The following AKAP9 variants were observed in gnomAD, a reference collection of about 807,000 sequenced individuals.
AKAP9 encodes the protein A-kinase anchor protein 9.
AKAP9 carries 311 observed loss-of-function variants against 488.5 expected under a neutral mutation model. The ratio of observed to expected loss-of-function variants is 0.64; its 90% CI spans 0.58 to 0.70. The LOEUF is 0.70. Ranked by LOEUF, AKAP9 falls within the 30% of genes least tolerant of loss-of-function variation. The pLI is 0.00. For synonymous variants in AKAP9, 1,462 were observed against 1,483.5 expected, an observed-to-expected ratio of 0.99 and a Z score of 0.33; for missense variants, 4,215 against 4,374.5, an observed-to-expected ratio of 0.96 and a Z score of 1.03.
chr7:92,000,358 T>A (rs776886785), intron 7 of AKAP9, among the ~76,000 whole-genome samples: 5 of 152,188 alleles, frequency 3.3e-5, no homozygotes, highest in African/African-American at 4.8e-5. Flanking sequence ...TAGGAGTCTG[T>A]TTTTGTTGTT....
Position 92,000,892 on chromosome 7 carries a change from G to A in AKAP9, c.975G>A (p.Gln325=). Residue 325 remains glutamine, a synonymous_variant, in exon 8 of 50, where the codon CAG becomes CAA. Transcript: ENST00000356239. Reference sequence around the variant, plus strand: ...AAAACTCAAATAAAGAAGAAATACAGGAAAAGGAGACAATCATTGAAGAAT... The same window carrying A: ...AAAACTCAAATAAAGAAGAAATACAAGAAAAGGAGACAATCATTGAAGAAT... The part of the protein sequence containing the change: ...KVENSNKEEI[Q]EKETIIEELN... 7.0e-7 allele frequency: 1 copy of A among 1,430,330 alleles called. No individual in the cohort carries two copies. The highest frequency in any genetic ancestry group is 9.4e-7 in the Non-Finnish European group (1 of 1,065,036). 88.6% of individuals were successfully genotyped at this position (1,430,330 alleles called of 1,614,324 possible).
rs1425088604 is a variant in AKAP9 at position 92,079,409 on chromosome 7, CT to C, written c.7277del (p.Leu2426GlnfsTer8). ...LKETNFKMNQLTQELFSLKRE... is the reference protein window; with the variant it reads ...LKETNFKMNQXTQELFSLKRE... ...AGAAACCAATTTTAAAATGAATCAG[CT>C]AACACAGGAATTATTCAGCTTAAAG... On this transcript the variant is annotated frameshift_variant, in exon 31 of 50. Transcript: ENST00000356239. LOFTEE classifies it high-confidence loss of function. 1 of 1,614,032 alleles carries C rather than the reference CT, an allele frequency of 6.2e-7. No homozygotes were observed. Among genetic ancestry groups the C allele is most frequent in the Non-Finnish European group, 8.5e-7 (1 of 1,179,982 alleles).
At chr7:92,057,766 G>A (rs1021823107) in intron 22 of AKAP9, 20 of 222,480 alleles carry the variant, frequency 9.0e-5, no homozygotes, top group South Asian at 3.6e-4. Context: ...TACAGACATC[G>A]CTGATATTAA....
chr7:92,081,246 G>T (rs1813496658), intron 31 of AKAP9, among the ~76,000 whole-genome samples: 1 of 151,446 alleles, frequency 6.6e-6, no homozygotes, highest in Non-Finnish European at 1.5e-5. Context: ...TTTACAGAAA[G>T]AAATCTATTA....
At position 92,022,150 on chromosome 7, in the gene AKAP9, A is replaced by G. The variant is rs888747826; in HGVS notation, c.3838-88A>G. ...CAATTTTGGGTGGTTTTAAAAAAGCATCTTAAATGCAGAGTTGCTTTAATA... is the reference window on the plus strand; with the variant it reads ...CAATTTTGGGTGGTTTTAAAAAAGCGTCTTAAATGCAGAGTTGCTTTAATA... On this transcript the variant is annotated intron_variant, in intron 12 of 49. Transcript: ENST00000356239. 5.8e-6 allele frequency: 6 copies of G among 1,042,948 alleles called. No individual in the cohort carries two copies. In the African/African-American group the frequency reaches 7.9e-5, roughly 14 times the overall value. 64.6% of individuals were successfully genotyped at this position (1,042,948 alleles called of 1,614,324 possible). A position where few individuals can be genotyped will look rare whatever the true frequency, so the allele number is the denominator to read the frequency against.
At chr7:92,081,001 T>A (rs1338186977) in intron 31 of AKAP9, among the ~76,000 whole-genome samples, 2 of 152,194 alleles carry the variant, frequency 1.3e-5, no homozygotes, top group Non-Finnish European at 2.9e-5. Context: ...TTATTATCAC[T>A]AAAATAATGG....
rs545266099 is a variant in AKAP9, at chr7:91,942,163, AT to A, written c.48+1018del. ...TGTTAGCAGTCATACTTGGACAAAA[AT>A]TGTATTACAGGTAACTGTTTTTCCT... On this transcript the variant is annotated intron_variant, in intron 1 of 49. Coordinates refer to ENST00000356239, the MANE Select transcript of AKAP9 (RefSeq NM_005751.5). Among the ~76,000 whole-genome samples the A allele has an allele frequency of 1.1e-4, 16 of 152,284 alleles. No individual in the cohort carries two copies. In the South Asian group the frequency reaches 3.1e-3, roughly 30 times the overall value.
At chr7:92,099,577 C>T in intron 43 of AKAP9, 110 bp from the exon 44 acceptor site, 8 of 1,075,948 alleles carry the variant, frequency 7.4e-6, no homozygotes, top group Non-Finnish European at 1.1e-5. Context: ...GAATACTCAA[C>T]TCAAGCACCA....
At position 92,038,678 on chromosome 7, in the gene AKAP9, G is replaced by A. The variant is rs541209445; in HGVS notation, c.4598G>A (p.Ser1533Asn). Residue 1533 changes from serine to asparagine, a missense_variant, in exon 17 of 50, where the codon AGT (serine) becomes AAT (asparagine). By Grantham distance (46) the Ser-to-Asn change is conservative (BLOSUM62 1). Coordinates refer to ENST00000356239, the MANE Select transcript of AKAP9 (RefSeq NM_005751.5). ...EHGKEILLSN[S>N]DPHDIPESKD... ...GGAAAGGAAATTTTATTATCAAATA[G>A]TGATCCCCATGATATACCAGAATCA... 34 of 1,609,986 alleles carry A rather than the reference G, an allele frequency of 2.1e-5. No homozygotes were observed. The African/African-American group carries it at 4.0e-4, about 19-fold the overall frequency.
intron 3 of AKAP9, among the ~76,000 whole-genome samples, chr7:91,984,645 C>T (rs564486601): frequency 4.6e-4 from 70 of 152,052 alleles, no homozygotes; most frequent in African/African-American, 1.7e-3. Flanking sequence ...ACTTTAAAGT[C>T]GTTTTTTTCC....
intron 45 of AKAP9, 52 bp from the exon 46 acceptor site, chr7:92,102,542 C>T: frequency 6.7e-7 from 1 of 1,502,292 alleles, no homozygotes; most frequent in Non-Finnish European, 9.3e-7. Flanking sequence ...CCCTAGAGAG[C>T]AGGGTGAATG....
Position 92,002,651 on chromosome 7 carries a change from A to G in AKAP9, c.2734A>G (p.Met912Val). 1 of 1,613,318 alleles carries G rather than the reference A, an allele frequency of 6.2e-7. No homozygotes were observed. Among genetic ancestry groups the G allele is most frequent in the South Asian group, 1.1e-5 (1 of 91,032 alleles). ...LQRINPTTVK[M>V]KSSVFDEDKT... ...AAGAATAAATCCAACTACAGTGAAA[A>G]TGAAAAGTTCTGTCTTTGATGAAGA... The change falls in exon 8 of 50, where the codon ATG becomes GTG. Residue 912 changes from methionine (M) to valine (V), a missense_variant. By Grantham distance (21) the Met-to-Val change is conservative (BLOSUM62 1). Around this residue, in one of 5 missense-constraint regions of AKAP9, gnomAD observed 2,361 missense variants for 2,430.0 expected, o/e 0.97. Coordinates refer to ENST00000356239, the MANE Select transcript of AKAP9 (RefSeq NM_005751.5).
In AKAP9 at chr7:92,086,275, T is replaced by C. The variant is rs530613238; in HGVS notation, c.9072T>C (p.Gly3024=). 1.2e-6 allele frequency: 2 copies of C among 1,614,048 alleles called. No homozygotes were observed. Among genetic ancestry groups the C allele is most frequent in the Admixed American group, 3.3e-5 (2 of 60,002 alleles). The change falls in exon 37 of 50, where the codon GGT becomes GGC. Residue 3024 remains glycine (G), a synonymous_variant. Coordinates refer to ENST00000356239, the MANE Select transcript of AKAP9 (RefSeq NM_005751.5). ...ATGAGAGCTTCTCAGACTGGCGAGGTGAACTACTGCTTGCCCTTCAACAAG... is the reference window on the plus strand; with the variant it reads ...ATGAGAGCTTCTCAGACTGGCGAGGCGAACTACTGCTTGCCCTTCAACAAG... The part of the protein sequence containing the change: ...QSHESFSDWR[G]ELLLALQQVF...
intron 22 of AKAP9, among the ~76,000 whole-genome samples, chr7:92,056,569 A>T (rs1563060061): frequency 6.6e-6 from 1 of 151,112 alleles, no homozygotes; most frequent in Non-Finnish European, 1.5e-5. Flanking sequence ...TTCACAGACT[A>T]ACTGGAGGGT....
At chr7:91,992,015 T>G (rs1797818345) in intron 3 of AKAP9, 143 bp from the exon 4 acceptor site, 1 of 689,562 alleles carries the variant, frequency 1.5e-6, no homozygotes, top group African/African-American at 1.8e-5. Context: ...ATATTTTAAA[T>G]TAATCTCTGT....
intron 15 of AKAP9, among the ~76,000 whole-genome samples, chr7:92,030,595 T>G (rs1215341573): frequency 6.7e-6 from 1 of 149,856 alleles, no homozygotes; most frequent in African/African-American, 2.5e-5. Context: ...TGAGCTGCGA[T>G]TGCACCACTG....
At chr7:91,982,419 C>G (rs1393354000) in intron 3 of AKAP9, among the ~76,000 whole-genome samples, 1 of 152,010 alleles carries the variant, frequency 6.6e-6, no homozygotes, top group Non-Finnish European at 1.5e-5. Flanking sequence ...TCAATTCCCA[C>G]CTATGAGTGA....
At chr7:92,042,005 A>G (rs1279779677) in intron 18 of AKAP9, 41 bp from the exon 19 acceptor site, 3 of 1,606,700 alleles carry the variant, frequency 1.9e-6, no homozygotes, top group African/African-American at 1.3e-5. Flanking sequence ...CTTTTTCTCT[A>G]TCACAAACAG....
In AKAP9 at chr7:92,030,143, A is replaced by T. The variant is rs1007298474; in HGVS notation, c.4245+152A>T. 4 of 621,818 alleles carry T rather than the reference A, an allele frequency of 6.4e-6. No homozygotes were observed. The Admixed American group carries it at 9.0e-5, about 14-fold the overall frequency. 38.5% of individuals were successfully genotyped at this position (621,818 alleles called of 1,614,324 possible). A position where few individuals can be genotyped will look rare whatever the true frequency, so the allele number is the denominator to read the frequency against. On this transcript the variant is annotated intron_variant, in intron 15 of 49. Coordinates refer to ENST00000356239, the MANE Select transcript of AKAP9 (RefSeq NM_005751.5). ...CTTATATAGAAAACTCAGAATACAC[A>T]TGTAAAGAAATTTAATCTATTTTTA...
Sources: allele counts gnomAD v4.1 joint callset (sites outside exome capture counted in the v4.1 genomes callset), GRCh38; gene constraint gnomAD v4.1.1; regional missense constraint gnomAD v4.1.1; transcripts MANE v1.5; gene names NCBI Gene and HGNC (gene_info 2026-07-23, HGNC 2026-07-21).